Variants in PEAK1 observed in about 807,000 individuals in gnomAD.
PEAK1 encodes inactive tyrosine-protein kinase PEAK1.
Under a neutral mutation model 124.7 loss-of-function variants are expected in PEAK1, and 54 were observed. The observed-to-expected ratio is 0.43, with a 90% CI of 0.35 to 0.54. The LOEUF is 0.54. Among genes scored for constraint, PEAK1 ranks in the 20% least tolerant of loss-of-function variants. The pLI, the probability that PEAK1 is intolerant of heterozygous loss-of-function variation, is 0.01. For synonymous variants in PEAK1, 719 were observed against 760.0 expected (o/e 0.95, Z 0.89); for missense variants, 2,046 against 2,134.5 (o/e 0.96, Z 0.82).
At chr15:77,185,271 T>C (rs2057484206) in intron 6 of PEAK1, among the ~76,000 whole-genome samples, 1 of 152,202 alleles carries the variant, frequency 6.6e-6, no homozygotes, top group Non-Finnish European at 1.5e-5. Flanking sequence ...TATATGAATT[T>C]AGGAGTCTGA....
At chr15:77,280,400 A>G (rs2062601777) in intron 5 of PEAK1, among the ~76,000 whole-genome samples, 1 of 152,124 alleles carries the variant, frequency 6.6e-6, no homozygotes, top group South Asian at 2.1e-4. Flanking sequence ...ACAAAATAAA[A>G]TAATTTCCCA....
intron 7 of PEAK1, 159 bp downstream of exon 7, chr15:77,178,631 C>T: frequency 1.3e-6 from 1 of 746,704 alleles, no homozygotes. Context: ...CACTTTAATA[C>T]TATTCTAATC....
rs891066466 is a variant in PEAK1 at position 77,181,205 on chromosome 15, A to C, written c.722T>G (p.Leu241Arg). 16 of 1,613,964 alleles carry C rather than the reference A, an allele frequency of 9.9e-6. No homozygotes were observed. The highest frequency in any genetic ancestry group is 2.2e-5 in the East Asian group (1 of 44,862). ...GTGCTCCTCCTCCATGTTACTGAAA[A>C]GTACATCCTCTTCACTCTCCTCGCC... ...SSGEESEEDVLFSNMEEEHES... is the reference protein window; with the variant it reads ...SSGEESEEDVRFSNMEEEHES... The change falls in exon 7 of 10, where the codon CTT becomes CGT. Residue 241 changes from leucine (L) to arginine (R), a missense_variant. Physicochemically the swap from Leu to Arg is moderately radical, Grantham distance 102. Coordinates refer to ENST00000682557, the MANE Select transcript of PEAK1 (RefSeq NM_001385026.1).
chr15:77,143,615 G>A (rs945548366), intron 8 of PEAK1, among the ~76,000 whole-genome samples: 14 of 152,124 alleles, frequency 9.2e-5, no homozygotes, highest in Non-Finnish European at 2.9e-5. Flanking sequence ...CTTCCTTTGT[G>A]CTTTGTGTCT....
chr15:77,149,210 A>G (rs1035832149), intron 8 of PEAK1, among the ~76,000 whole-genome samples: 1 of 152,192 alleles, frequency 6.6e-6, no homozygotes, highest in Non-Finnish European at 1.5e-5. Flanking sequence ...GCTATAGTAC[A>G]CTGCTTCCTA....
At chr15:77,123,340 C>T (rs910831281) in intron 9 of PEAK1, among the ~76,000 whole-genome samples, 1 of 152,162 alleles carries the variant, frequency 6.6e-6, no homozygotes, top group East Asian at 1.9e-4. Context: ...AAAACAATAT[C>T]TCAGTGATAC....
intron 9 of PEAK1, among the ~76,000 whole-genome samples, chr15:77,125,984 T>C (rs755218479): frequency 6.6e-6 from 1 of 152,164 alleles, no homozygotes; most frequent in African/African-American, 2.4e-5. Flanking sequence ...CTGTTTATAA[T>C]TGGTACTAGA....
intron 2 of PEAK1, among the ~76,000 whole-genome samples, chr15:77,312,511 G>GCTA (rs1321885093): frequency 6.6e-6 from 1 of 152,190 alleles, no homozygotes; most frequent in African/African-American, 2.4e-5. Flanking sequence ...TATGTGTGGG[G>GCTA]CTACACTCAC....
chr15:77,209,119 C>T (rs2058792089), intron 6 of PEAK1, among the ~76,000 whole-genome samples: 1 of 152,014 alleles, frequency 6.6e-6, no homozygotes, highest in Admixed American at 6.5e-5. Context: ...AAGTTCTATA[C>T]AAAGAAAATT....
Position 77,114,494 on chromosome 15 carries a change from A to T in PEAK1, c.4903T>A (p.Ser1635Thr). Residue 1635 changes from serine to threonine, a missense_variant, in exon 10 of 10, where the codon TCC becomes ACC. Ser to Thr is a moderately conservative substitution (Grantham distance 58). Coordinates refer to ENST00000682557, the MANE Select transcript of PEAK1 (RefSeq NM_001385026.1). Reference sequence around the variant, plus strand: ...CTGGCCAGCTGCTGCAGACCCCGGGAGTAGGGGGAGCGGAATGGGATGCGA... The same window carrying T: ...CTGGCCAGCTGCTGCAGACCCCGGGTGTAGGGGGAGCGGAATGGGATGCGA... Reference protein sequence around the residue: ...LPRIPFRSPYSRGLQQLASCL... With the variant: ...LPRIPFRSPYTRGLQQLASCL... 6 of 1,613,944 alleles carry T rather than the reference A, an allele frequency of 3.7e-6. No individual in the cohort carries two copies. The highest frequency in any genetic ancestry group is 5.1e-6 in the Non-Finnish European group (6 of 1,179,944).
intron 2 of PEAK1, among the ~76,000 whole-genome samples, chr15:77,301,636 C>G (rs1476634084): frequency 2.6e-5 from 4 of 152,154 alleles, no homozygotes. Context: ...CATATCATAT[C>G]AAGGATACAC....
At chr15:77,176,272 GA>G (rs1555430575) in intron 7 of PEAK1, among the ~76,000 whole-genome samples, 2 of 83,856 alleles carry the variant, frequency 2.4e-5, no homozygotes, top group African/African-American at 8.7e-5. Context: ...AAAAAAAAAA[GA>G]AAAGAAAAAA....
intron 1 of PEAK1, among the ~76,000 whole-genome samples, chr15:77,414,141 T>A (rs150061815): frequency 2.2e-5 from 2 of 91,134 alleles, no homozygotes; most frequent in African/African-American, 6.6e-5. Flanking sequence ...CTTTCTTTTC[T>A]TTCTTTCCTT....
chr15:77,395,987 G>T (rs1222810258), intron 1 of PEAK1, among the ~76,000 whole-genome samples: 1 of 152,006 alleles, frequency 6.6e-6, no homozygotes, highest in Non-Finnish European at 1.5e-5. Context: ...GAGATAAACC[G>T]ATCAAAAATA....
At chr15:77,269,270 A>C (rs1392545364) in intron 5 of PEAK1, among the ~76,000 whole-genome samples, 1 of 152,184 alleles carries the variant, frequency 6.6e-6, no homozygotes, top group East Asian at 1.9e-4. Context: ...TGTCTTCAAG[A>C]GACTCACCTG....
chr15:77,329,513 C>T (rs910494031), intron 2 of PEAK1, among the ~76,000 whole-genome samples: 2 of 152,296 alleles, frequency 1.3e-5, no homozygotes, highest in South Asian at 2.1e-4. Flanking sequence ...CTAGACCTCA[C>T]ACCTAAGTTA....
chr15:77,268,263 T>C (rs2061844509), intron 5 of PEAK1, among the ~76,000 whole-genome samples: 1 of 152,160 alleles, frequency 6.6e-6, no homozygotes, highest in Non-Finnish European at 1.5e-5. Flanking sequence ...TCACTTGATG[T>C]CAGGAGTTTG....
At chr15:77,334,848 GC>G (rs2066100312) in intron 2 of PEAK1, 5 of 985,160 alleles carry the variant, frequency 5.1e-6, no homozygotes, top group Non-Finnish European at 6.0e-6. Flanking sequence ...TTTTAATTTG[GC>G]AACTGTATTT....
rs564045986 is a variant in PEAK1 at position 77,388,162 on chromosome 15, C to G, written c.-665-22937G>C. Among the ~76,000 whole-genome samples the G allele has an allele frequency of 5.6e-3, 851 of 152,188 alleles. 5 individuals carry two copies. The highest frequency in any genetic ancestry group is 7.8e-3 in the Non-Finnish European group (533 of 68,014). On this transcript the variant is annotated intron_variant, in intron 1 of 9. Coordinates refer to ENST00000682557, the MANE Select transcript of PEAK1 (RefSeq NM_001385026.1). The stretch of plus-strand genomic sequence containing the variant: ...TAAGTCATGATAGCATCACTACACT[C>G]CAGCCTGGGCAACAGAGCAAGATCC...
Sources: allele counts gnomAD v4.1 joint callset (sites outside exome capture counted in the v4.1 genomes callset), GRCh38; gene constraint gnomAD v4.1.1; transcripts MANE v1.5; gene names NCBI Gene and HGNC (gene_info 2026-07-23, HGNC 2026-07-21).